The following SPOCK3 variants were observed in gnomAD, a reference collection of about 807,000 sequenced individuals.
SPOCK3 encodes the protein SPARC (osteonectin), cwcv and kazal like domains proteoglycan 3.
In SPOCK3, 30 loss-of-function variants were observed where a neutral mutation model predicts 56.6. The ratio of observed to expected loss-of-function variants is 0.53; its 90% CI spans 0.40 to 0.72. SPOCK3 has a LOEUF of 0.72. Among genes scored for constraint, SPOCK3 ranks in the 30% least tolerant of loss-of-function variants. SPOCK3 has a pLI of 0.00. For missense variants in SPOCK3, 527 were observed against 530.0 expected, an observed-to-expected ratio of 0.99 and a Z score of 0.06; for synonymous variants, 196 against 183.3, an observed-to-expected ratio of 1.07 and a Z score of -0.56.
chr4:166,897,928 G>A (rs921268560), intron 5 of SPOCK3, among the ~76,000 whole-genome samples: 1 of 152,162 alleles, frequency 6.6e-6, no homozygotes, highest in Non-Finnish European at 1.5e-5. Context: ...CATGGCTTAT[G>A]CCTGTAATCC....
intron 2 of SPOCK3, among the ~76,000 whole-genome samples, chr4:167,126,953 T>C (rs1762333301): frequency 6.6e-6 from 1 of 152,072 alleles, no homozygotes; most frequent in South Asian, 2.1e-4. Flanking sequence ...GCCTATGTAT[T>C]CCCCCTCTCT....
chr4:166,785,121 G>C (rs908288274), intron 7 of SPOCK3, among the ~76,000 whole-genome samples: 2 of 152,022 alleles, frequency 1.3e-5, no homozygotes, highest in African/African-American at 4.8e-5. Context: ...AATGATAATA[G>C]GATGAGAGGC....
Position 167,223,891 on chromosome 4 carries a change from C to G in SPOCK3, c.189+10094G>C, listed in dbSNP as rs189588255. On this transcript the variant is annotated intron_variant, in intron 2 of 10. Transcript: ENST00000357545. ...TATCAATTTCTAGACAAGGAAGAGT[C>G]TGTCGTATTTTTATTATAAAATTTT... 5.9e-5 allele frequency among the ~76,000 whole-genome samples: 9 copies of G among 152,184 alleles called. No individual in the cohort carries two copies. In the East Asian group the frequency reaches 1.4e-3, roughly 23 times the overall value.
At chr4:166,740,493 CTTA>C (rs71604445) in intron 9 of SPOCK3, among the ~76,000 whole-genome samples, 15,857 of 135,216 alleles carry the variant, frequency 0.12, 1,199 homozygotes, top group East Asian at 0.43. Flanking sequence ...TATATAAGAA[CTTA>C]TTATTATTAT....
chr4:166,853,787 C>T lies in SPOCK3; in HGVS notation c.589+35343G>A, dbSNP rs141060844. 5.9e-4 allele frequency among the ~76,000 whole-genome samples: 90 copies of T among 152,012 alleles called. 2 individuals carry two copies. The highest frequency in any genetic ancestry group is 1.9e-3 in the African/African-American group (80 of 41,470). ...ATCTCAGCTACTTGAGAGGCTGAGG[C>T]ATGAGAATAGCTTGAACCCAGAAGG... On this transcript the variant is annotated intron_variant, in intron 6 of 10. Transcript: ENST00000357545.
chr4:166,909,996 A>G (rs1275762290), intron 5 of SPOCK3, among the ~76,000 whole-genome samples: 1 of 152,162 alleles, frequency 6.6e-6, no homozygotes, highest in Non-Finnish European at 1.5e-5. Context: ...TGAGGGGGGA[A>G]CAAAAAAACA....
chr4:166,942,243 GCT>G (rs1741162077), intron 4 of SPOCK3, among the ~76,000 whole-genome samples: 1 of 151,316 alleles, frequency 6.6e-6, no homozygotes, highest in Non-Finnish European at 1.5e-5. Context: ...ATGGAGTCTT[GCT>G]CTGTCACTAG....
chr4:167,073,670 T>C (rs1028939735), intron 2 of SPOCK3, among the ~76,000 whole-genome samples: 1 of 151,920 alleles, frequency 6.6e-6, no homozygotes, highest in Admixed American at 6.6e-5. Context: ...AGCTGTTTTG[T>C]TCCCACTGAG....
At chr4:167,086,897 T>C (rs949860627) in intron 2 of SPOCK3, among the ~76,000 whole-genome samples, 1 of 152,094 alleles carries the variant, frequency 6.6e-6, no homozygotes, top group South Asian at 2.1e-4. Flanking sequence ...TTTTCAAGTA[T>C]AGTATTTTTT....
At chr4:166,959,848 C>A (rs953566970) in intron 4 of SPOCK3, among the ~76,000 whole-genome samples, 4 of 151,920 alleles carry the variant, frequency 2.6e-5, no homozygotes, top group Non-Finnish European at 5.9e-5. Context: ...GAAATATTCA[C>A]AATAAGTAAA....
At chr4:166,791,511 T>A (rs1741344540) in intron 7 of SPOCK3, among the ~76,000 whole-genome samples, 1 of 152,164 alleles carries the variant, frequency 6.6e-6, no homozygotes, top group African/African-American at 2.4e-5. Context: ...TCCTTTTACA[T>A]GCATTACATG....
In SPOCK3 at chr4:167,234,116, G is replaced by A; in HGVS notation, c.58C>T (p.Leu20Phe). Residue 20 changes from leucine (L) to phenylalanine (F), a missense_variant, in exon 2 of 11, where the codon CTC becomes TTC. Transcript: ENST00000357545. The part of the protein sequence containing the change: ...VCAAAWCSQS[L>F]AAAAAVAAAG... ...GCAGCCACCGCCGCGGCAGCTGCGA[G>A]AGACTGACTGCACCAAGCGGCTGCA... is the stretch of plus-strand genomic sequence containing the variant. The A allele has an allele frequency of 6.2e-7, 1 of 1,613,986 alleles. No homozygotes were observed. Among genetic ancestry groups the A allele is most frequent in the Non-Finnish European group, 8.5e-7 (1 of 1,180,004 alleles).
At chr4:167,128,307 A>G (rs1363994291) in intron 2 of SPOCK3, among the ~76,000 whole-genome samples, 7 of 151,934 alleles carry the variant, frequency 4.6e-5, no homozygotes, top group African/African-American at 1.7e-4. Flanking sequence ...TTTTATTGCC[A>G]AACAAAGGCT....
In SPOCK3 at chr4:166,909,107, A is replaced by G. The variant is rs193011173; in HGVS notation, c.474+3513T>C. ...TCCAAAAATACTTTTTATGAAAATCACAAATGTCCCAAGATTTTTTCAAGT... is the reference window on the plus strand; with the variant it reads ...TCCAAAAATACTTTTTATGAAAATCGCAAATGTCCCAAGATTTTTTCAAGT... On this transcript the variant is annotated intron_variant, in intron 5 of 10. Transcript: ENST00000357545. Among the ~76,000 whole-genome samples, 43 of 152,224 alleles carry G rather than the reference A, an allele frequency of 2.8e-4. 1 individual carries two copies. The highest frequency in any genetic ancestry group is 9.8e-4 in the Admixed American group (15 of 15,264).
At chr4:167,126,935 G>C (rs1762332243) in intron 2 of SPOCK3, among the ~76,000 whole-genome samples, 1 of 152,006 alleles carries the variant, frequency 6.6e-6, no homozygotes, top group Non-Finnish European at 1.5e-5. Flanking sequence ...AACCTGCCCT[G>C]TGCCTGGGCC....
At chr4:167,069,504 T>C (rs970504027) in intron 2 of SPOCK3, among the ~76,000 whole-genome samples, 1 of 151,924 alleles carries the variant, frequency 6.6e-6, no homozygotes, top group Non-Finnish European at 1.5e-5. Context: ...TTTAAGCCAC[T>C]ACATTTTGGG....
intron 4 of SPOCK3, among the ~76,000 whole-genome samples, chr4:166,978,463 T>C (rs1364184625): frequency 2.6e-5 from 4 of 152,184 alleles, no homozygotes; most frequent in Non-Finnish European, 5.9e-5. Flanking sequence ...AGGTCAGAGA[T>C]GAATAAAAAA....
intron 4 of SPOCK3, among the ~76,000 whole-genome samples, chr4:166,989,078 G>T (rs1002634668): frequency 6.6e-6 from 1 of 152,006 alleles, no homozygotes; most frequent in Admixed American, 6.6e-5. Context: ...AAATGATAAA[G>T]AATGTACTCT....
intron 2 of SPOCK3, among the ~76,000 whole-genome samples, chr4:167,228,124 T>C (rs1360066805): frequency 6.6e-6 from 1 of 152,172 alleles, no homozygotes; most frequent in Non-Finnish European, 1.5e-5. Context: ...CTCAACATGT[T>C]ATGTGTAATA....
Sources: allele counts gnomAD v4.1 joint callset (sites outside exome capture counted in the v4.1 genomes callset), GRCh38; gene constraint gnomAD v4.1.1; transcripts MANE v1.5; gene names NCBI Gene and HGNC (gene_info 2026-07-23, HGNC 2026-07-21).